PIEZO2: variants seen among roughly 807,000 people sequenced by gnomAD.
PIEZO2 encodes piezo-type mechanosensitive ion channel component 2.
In PIEZO2, 172 loss-of-function variants were observed where a neutral mutation model predicts 337.3. The ratio of observed to expected loss-of-function variants is 0.51; its 90% CI spans 0.45 to 0.58. PIEZO2 has a LOEUF of 0.58. Among genes scored for constraint, PIEZO2 ranks in the 20% least tolerant of loss-of-function variants. The pLI is 0.00. For missense variants in PIEZO2, 3,028 were observed against 3,391.3 expected, an observed-to-expected ratio of 0.89 and a Z score of 2.66; for synonymous variants, 1,251 against 1,228.5, an observed-to-expected ratio of 1.02 and a Z score of -0.38.
At chr18:11,138,617 G>A (rs1296293344) in intron 1 of PIEZO2, among the ~76,000 whole-genome samples, 1 of 152,174 alleles carries the variant, frequency 6.6e-6, no homozygotes, top group Non-Finnish European at 1.5e-5. Context: ...TGAAATAGCT[G>A]CTATCTGTAT....
Position 10,853,790 on chromosome 18 carries a change from T to C in PIEZO2, c.917+1563A>G, listed in dbSNP as rs1730044448. On this transcript the variant is annotated intron_variant, in intron 7 of 55. Coordinates refer to ENST00000674853, the MANE Select transcript of PIEZO2 (RefSeq NM_001378183.1). This position sits in a 1 kb window ranked among gnomAD's most constrained non-coding sequence, Gnocchi z 4.2. ...AAGTTGCAGACATCAAGGCACAGCTTATCTAAATAACTCACCATGTATCTC... is the reference window on the plus strand; with the variant it reads ...AAGTTGCAGACATCAAGGCACAGCTCATCTAAATAACTCACCATGTATCTC... Among the ~76,000 whole-genome samples, 1 of 152,220 alleles carries C rather than the reference T, an allele frequency of 6.6e-6. No individual in the cohort carries two copies. Among genetic ancestry groups the C allele is most frequent in the South Asian group, 2.1e-4 (1 of 4,832 alleles).
rs2034143541 is a variant in PIEZO2, at chr18:10,969,321, C to T, written c.286+10214G>A. Among the ~76,000 whole-genome samples, 1 of 152,152 alleles carries T rather than the reference C, an allele frequency of 6.6e-6. No homozygotes were observed. Among genetic ancestry groups the T allele is most frequent in the Non-Finnish European group, 1.5e-5 (1 of 68,032 alleles). On this transcript the variant is annotated intron_variant, in intron 3 of 55. Transcript: ENST00000674853. This position sits in a 1 kb window ranked among gnomAD's most constrained non-coding sequence, Gnocchi z 4.5. ...TGTTATTTAAGCAAACCAAATCAAT[C>T]CCAAATCATTTTAAACTTCCTGCTC...
chr18:10,763,661 G>A (rs930866102), intron 21 of PIEZO2, among the ~76,000 whole-genome samples: 4 of 152,132 alleles, frequency 2.6e-5, no homozygotes, highest in Non-Finnish European at 5.9e-5. Context: ...GCTATGGCAC[G>A]GGAGCCCATT....
At chr18:10,779,122 G>A (rs2144054486) in intron 18 of PIEZO2, among the ~76,000 whole-genome samples, 1 of 152,258 alleles carries the variant, frequency 6.6e-6, no homozygotes, top group East Asian at 1.9e-4. Flanking sequence ...AAACCTGACA[G>A]GCCTCGTTCA....
Position 11,148,346 on chromosome 18 carries a change from C to A in PIEZO2, c.64+179G>T, listed in dbSNP as rs2040860878. Reference sequence around the variant, plus strand: ...CCTGTTAAGAGATACCCCGATCGCGCGCCCCAGAGTGGGAAGTGAGAGAGC... The same window carrying A: ...CCTGTTAAGAGATACCCCGATCGCGAGCCCCAGAGTGGGAAGTGAGAGAGC... On this transcript the variant is annotated intron_variant, in intron 1 of 55. Coordinates refer to ENST00000674853, the MANE Select transcript of PIEZO2 (RefSeq NM_001378183.1). This position sits in a 1 kb window ranked among gnomAD's most constrained non-coding sequence, Gnocchi z 5.2. Among the ~76,000 whole-genome samples the A allele has an allele frequency of 6.6e-6, 1 of 152,176 alleles. No homozygotes were observed. Among genetic ancestry groups the A allele is most frequent in the African/African-American group, 2.4e-5 (1 of 41,454 alleles).
intron 4 of PIEZO2, among the ~76,000 whole-genome samples, chr18:10,886,191 G>A (rs371550095): frequency 1.3e-3 from 197 of 148,598 alleles, no homozygotes; most frequent in African/African-American, 4.8e-3. Flanking sequence ...TGCATTTTGC[G>A]CATTTGTGTC....
rs549431077 is a variant in PIEZO2, at chr18:11,070,680, C to T, written c.65-4458G>A. ...CTTGCAGGCCCTCGCAGAAGGGCTT[C>T]AGCCCAGAAGGAAGGAAGGAAGTCA... is the stretch of plus-strand genomic sequence containing the variant. On this transcript the variant is annotated intron_variant, in intron 1 of 55. Coordinates refer to ENST00000674853, the MANE Select transcript of PIEZO2 (RefSeq NM_001378183.1). The surrounding 1 kb of genome is among the most constrained non-coding windows in gnomAD (Gnocchi z 4.3). Among the ~76,000 whole-genome samples, 1 of 152,320 alleles carries T rather than the reference C, an allele frequency of 6.6e-6. No homozygotes were observed. The highest frequency in any genetic ancestry group is 1.9e-4 in the East Asian group (1 of 5,184).
rs1174434676 is a variant in PIEZO2, at chr18:11,129,072, C to T, written c.64+19453G>A. Among the ~76,000 whole-genome samples the T allele has an allele frequency of 1.3e-5, 2 of 152,128 alleles. No homozygotes were observed. The highest frequency in any genetic ancestry group is 2.9e-5 in the Non-Finnish European group (2 of 68,020). ...GAGCGAGCTGGAAATGCCTGATCTCCCTCAGTTTAATGTAGAGGAAGGGAT... is the reference window on the plus strand; with the variant it reads ...GAGCGAGCTGGAAATGCCTGATCTCTCTCAGTTTAATGTAGAGGAAGGGAT... On this transcript the variant is annotated intron_variant, in intron 1 of 55. Transcript: ENST00000674853. The surrounding 1 kb of genome is among the most constrained non-coding windows in gnomAD (Gnocchi z 4.6).
rs2035649429 is a variant in PIEZO2, at chr18:10,707,850, A to G, written c.5588+425T>C. ...AAATGACTACCTATGATAGATTTTTAGATTTTTTTCCTACTGCATGCATCT... is the reference window on the plus strand; with the variant it reads ...AAATGACTACCTATGATAGATTTTTGGATTTTTTTCCTACTGCATGCATCT... On this transcript the variant is annotated intron_variant, in intron 40 of 55. Coordinates refer to ENST00000674853, the MANE Select transcript of PIEZO2 (RefSeq NM_001378183.1). The surrounding 1 kb of genome is among the most constrained non-coding windows in gnomAD (Gnocchi z 4.2). Among the ~76,000 whole-genome samples the G allele has an allele frequency of 6.6e-6, 1 of 152,246 alleles. No homozygotes were observed. The highest frequency in any genetic ancestry group is 1.9e-4 in the East Asian group (1 of 5,198).
intron 36 of PIEZO2, among the ~76,000 whole-genome samples, chr18:10,730,158 CT>C (rs919662590): frequency 6.6e-6 from 1 of 152,150 alleles, no homozygotes; most frequent in African/African-American, 2.4e-5. Context: ...AACACTTGAG[CT>C]TTTAGCAGGT....
chr18:10,880,686 G>A (rs1052819655), intron 4 of PIEZO2, among the ~76,000 whole-genome samples: 4 of 151,576 alleles, frequency 2.6e-5, no homozygotes, highest in African/African-American at 4.9e-5. Flanking sequence ...AAGTTCACAC[G>A]CTGAGAGATA....
At chr18:10,725,160 G>A in intron 36 of PIEZO2, 3 of 1,480,940 alleles carry the variant, frequency 2.0e-6, no homozygotes, top group South Asian at 2.3e-5. Context: ...AGTACTGCGA[G>A]GCCTCTGGAC....
At chr18:10,998,584 T>C (rs530826215) in intron 2 of PIEZO2, among the ~76,000 whole-genome samples, 10 of 152,076 alleles carry the variant, frequency 6.6e-5, no homozygotes, top group Non-Finnish European at 1.3e-4. Flanking sequence ...CTAATAAATA[T>C]CCACTCATAA....
rs945003284 is a variant in PIEZO2, at chr18:11,047,379, G to A, written c.160+18748C>T. On this transcript the variant is annotated intron_variant, in intron 2 of 55. Coordinates refer to ENST00000674853, the MANE Select transcript of PIEZO2 (RefSeq NM_001378183.1). The surrounding 1 kb of genome is among the most constrained non-coding windows in gnomAD (Gnocchi z 7.2). ...GGAATGGAGTAGGAGCGAGGGAGCC[G>A]CGCAGTGCAGCAAAGGCTCCTGCCT... is the stretch of plus-strand genomic sequence containing the variant. Among the ~76,000 whole-genome samples the A allele has an allele frequency of 3.9e-5, 6 of 152,158 alleles. No individual in the cohort carries two copies. The highest frequency in any genetic ancestry group is 7.3e-5 in the Non-Finnish European group (5 of 68,030).
At chr18:10,705,201 T>TTGG in intron 41 of PIEZO2, 135 bp downstream of exon 41, 1 of 1,190,046 alleles carries the variant, frequency 8.4e-7, no homozygotes, top group South Asian at 1.7e-5. Context: ...GCAAGAAGTC[T>TTGG]TGGAATTGTC....
intron 4 of PIEZO2, among the ~76,000 whole-genome samples, chr18:10,904,266 G>T (rs989003474): frequency 6.6e-6 from 1 of 152,144 alleles, no homozygotes; most frequent in African/African-American, 2.4e-5. Context: ...TTATGGACAC[G>T]TACAGCATGG....
At chr18:10,801,520 C>T (rs2039814447) in intron 9 of PIEZO2, 92 bp from the exon 10 acceptor site, 12 of 1,192,344 alleles carry the variant, frequency 1.0e-5, no homozygotes, top group Non-Finnish European at 1.4e-5. Context: ...TGCACAAGCC[C>T]ATTCTCTTTA....
intron 35 of PIEZO2, among the ~76,000 whole-genome samples, chr18:10,733,200 A>G (rs1026381125): frequency 2.6e-5 from 4 of 152,188 alleles, no homozygotes; most frequent in African/African-American, 7.2e-5. Context: ...AAGAAGAAGC[A>G]TGTCAGTGCT....
At chr18:11,055,692 C>A (rs1461636096) in intron 2 of PIEZO2, among the ~76,000 whole-genome samples, 2 of 152,334 alleles carry the variant, frequency 1.3e-5, no homozygotes, top group Middle Eastern at 3.4e-3. Context: ...AGCCTAATAA[C>A]CCTGAGGGAT....
Sources: allele counts gnomAD v4.1 joint callset (sites outside exome capture counted in the v4.1 genomes callset), GRCh38; gene constraint gnomAD v4.1.1; non-coding constraint Gnocchi (gnomAD v3.1); transcripts MANE v1.5; gene names NCBI Gene and HGNC (gene_info 2026-07-23, HGNC 2026-07-21).